Variants in SEM1 observed in about 807,000 individuals in gnomAD.
The protein encoded by SEM1 is SEM1 26S proteasome subunit.
A neutral mutation model predicts 12.7 loss-of-function variants in SEM1; 3 were observed. That is an observed-to-expected ratio of 0.24 (90% CI 0.11 to 0.61). SEM1 has a LOEUF of 0.61. SEM1 is among the 20% of genes least tolerant of loss of function. The pLI, the probability that SEM1 is intolerant of heterozygous loss-of-function variation, is 0.88. For synonymous variants in SEM1, 30 were observed against 27.8 expected, an observed-to-expected ratio of 1.08 and a Z score of -0.25; for missense variants, 59 against 81.3, an observed-to-expected ratio of 0.73 and a Z score of 1.06.
intron 2 of SEM1, among the ~76,000 whole-genome samples, chr7:96,521,825 T>C (rs1012326617): frequency 6.6e-6 from 1 of 152,118 alleles, no homozygotes; most frequent in Non-Finnish European, 1.5e-5. Flanking sequence ...TGCCATTCTC[T>C]GTGCAGAATT....
chr7:96,697,378 T>G (rs576225632), intron 1 of SEM1: 1 of 152,216 alleles, frequency 6.6e-6, no homozygotes, highest in East Asian at 1.9e-4. Flanking sequence ...ATACTTCACC[T>G]AAGTATCACC....
intron 2 of SEM1, among the ~76,000 whole-genome samples, chr7:96,602,834 A>G (rs536044450): frequency 2.0e-5 from 3 of 152,298 alleles, no homozygotes; most frequent in African/African-American, 7.2e-5. Context: ...AACTTCCTCA[A>G]TCTTGCTCAG....
chr7:96,636,129 ACTATTGG>A (rs755082091), intron 2 of SEM1, among the ~76,000 whole-genome samples: 4 of 152,028 alleles, frequency 2.6e-5, no homozygotes, highest in Admixed American at 6.6e-5. Context: ...AGTGCAACAG[ACTATTGG>A]CTTTGCATCA....
chr7:96,584,146 CT>C (rs914291597), intron 2 of SEM1, among the ~76,000 whole-genome samples: 12 of 152,112 alleles, frequency 7.9e-5, no homozygotes, highest in Admixed American at 5.9e-4. Context: ...TTCAGGAGCT[CT>C]TTTTGGGTAG....
intron 2 of SEM1, among the ~76,000 whole-genome samples, chr7:96,681,971 T>TA (rs1302671013): frequency 6.6e-6 from 1 of 152,206 alleles, no homozygotes; most frequent in African/African-American, 2.4e-5. Flanking sequence ...TAAATTACTT[T>TA]GGGCAGTATG....
intron 2 of SEM1, among the ~76,000 whole-genome samples, chr7:96,682,089 G>A (rs1044393755): frequency 6.6e-6 from 1 of 152,046 alleles, no homozygotes; most frequent in African/African-American, 2.4e-5. Context: ...TCTCCTTGAA[G>A]AGGTCCTTCA....
intron 2 of SEM1, among the ~76,000 whole-genome samples, chr7:96,574,987 C>G (rs991168363): frequency 2.0e-5 from 3 of 152,152 alleles, no homozygotes; most frequent in Non-Finnish European, 2.9e-5. Context: ...CTCATTCTCC[C>G]TCCAGTTTTG....
At chr7:96,667,667 A>G (rs1465424260) in intron 2 of SEM1, among the ~76,000 whole-genome samples, 3 of 152,222 alleles carry the variant, frequency 2.0e-5, no homozygotes, top group Non-Finnish European at 4.4e-5. Flanking sequence ...GGCAGATGGA[A>G]GCAGAAGAAT....
downstream of SEM1, chr7:96,673,330 G>C (rs946064853): frequency 1.2e-5 from 2 of 160,450 alleles, no homozygotes; most frequent in African/African-American, 4.8e-5. Flanking sequence ...GGCCAGGCTG[G>C]TCTCGAACTC....
intron 2 of SEM1, among the ~76,000 whole-genome samples, chr7:96,576,189 T>G (rs888378854): frequency 6.6e-6 from 1 of 152,234 alleles, no homozygotes; most frequent in Non-Finnish European, 1.5e-5. Flanking sequence ...TGTATTTATC[T>G]TTTTCCTTTC....
chr7:96,505,098 C>CTATT lies in SEM1; in HGVS notation c.*60+1521_*60+1524dup, dbSNP rs767597007. On this transcript the variant is annotated intron_variant and NMD_transcript_variant, in intron 3 of 3. Transcript: ENST00000466986. ...TGTATTTCTATCAGGAGTTATCTAT[C>CTATT]TATTTATTTATTTATTTATTTTGAG... 8.7e-4 allele frequency among the ~76,000 whole-genome samples: 132 copies of CTATT among 151,526 alleles called. 1 individual carries two copies. Among genetic ancestry groups the CTATT allele is most frequent in the Admixed American group, 3.9e-3 (59 of 15,162 alleles).
At chr7:96,544,778 A>T (rs1025532698) in intron 2 of SEM1, among the ~76,000 whole-genome samples, 2 of 152,038 alleles carry the variant, frequency 1.3e-5, no homozygotes, top group African/African-American at 2.4e-5. Flanking sequence ...AGAACAAATG[A>T]TATTAAGAAA....
At chr7:96,518,818 A>G (rs1020469170) in intron 2 of SEM1, among the ~76,000 whole-genome samples, 1 of 152,178 alleles carries the variant, frequency 6.6e-6, no homozygotes, top group Non-Finnish European at 1.5e-5. Flanking sequence ...TTCATATGGT[A>G]AGGGAAAGTT....
At chr7:96,508,367 T>A (rs1803821529) in intron 2 of SEM1, among the ~76,000 whole-genome samples, 1 of 151,948 alleles carries the variant, frequency 6.6e-6, no homozygotes, top group Non-Finnish European at 1.5e-5. Context: ...AGAGAAGCAA[T>A]GATATCATAA....
At position 96,640,933 on chromosome 7, in the gene SEM1, C is replaced by A. The variant is rs1273992350; in HGVS notation, c.171-18290G>T. Among the ~76,000 whole-genome samples, 2 of 151,916 alleles carry A rather than the reference C, an allele frequency of 1.3e-5. No homozygotes were observed. The highest frequency in any genetic ancestry group is 2.9e-5 in the Non-Finnish European group (2 of 67,944). The stretch of plus-strand genomic sequence containing the variant: ...TTCTTTACAAAAAACTTAGAGTAAT[C>A]TCACACTTGAAGGTTTGAGAAGACT... On this transcript the variant is annotated intron_variant, in intron 2 of 2. Transcript: ENST00000417009. This position sits in a 1 kb window ranked among gnomAD's most constrained non-coding sequence, Gnocchi z 4.0.
At chr7:96,550,438 T>C (rs1805233608) in intron 2 of SEM1, among the ~76,000 whole-genome samples, 1 of 152,298 alleles carries the variant, frequency 6.6e-6, no homozygotes, top group Admixed American at 6.5e-5. Flanking sequence ...TGCAAAATCG[T>C]TTATGATTCC....
At chr7:96,698,605 T>C (rs1247463363) in intron 1 of SEM1, among the ~76,000 whole-genome samples, 4 of 152,194 alleles carry the variant, frequency 2.6e-5, no homozygotes, top group South Asian at 4.1e-4. Flanking sequence ...CCATCCTTTT[T>C]TATGGCTGTA....
At chr7:96,489,718 G>A (rs963065467) in intron 1 of SEM1, among the ~76,000 whole-genome samples, 6 of 152,166 alleles carry the variant, frequency 3.9e-5, no homozygotes, top group African/African-American at 1.4e-4. Context: ...CTGGGAGGGG[G>A]CTGATTGTAG....
chr7:96,587,006 G>A (rs1584787883), intron 2 of SEM1, among the ~76,000 whole-genome samples: 1 of 151,954 alleles, frequency 6.6e-6, no homozygotes, highest in South Asian at 2.1e-4. Context: ...TCAGGTTTCC[G>A]AACAACCGCT....
Sources: allele counts gnomAD v4.1 joint callset (sites outside exome capture counted in the v4.1 genomes callset), GRCh38; gene constraint gnomAD v4.1.1; non-coding constraint Gnocchi (gnomAD v3.1); transcripts MANE v1.5; gene names NCBI Gene and HGNC (gene_info 2026-07-23, HGNC 2026-07-21).